Variants in NLRP3 observed in about 807,000 individuals in gnomAD.
NLRP3 encodes NLR family pyrin domain containing 3.
A neutral mutation model predicts 91.3 loss-of-function variants in NLRP3; 48 were observed. That is an observed-to-expected ratio of 0.53 (90% CI 0.42 to 0.67). NLRP3 has a LOEUF of 0.67. NLRP3 is among the 30% of genes least tolerant of loss of function. The probability of loss-of-function intolerance (pLI) is 0.00; values close to 1 mark genes in which losing one functional copy is unlikely to be tolerated. For synonymous variants in NLRP3, 561 were observed against 507.9 expected (o/e 1.10, Z -1.41); for missense variants, 982 against 1,276.9 (o/e 0.77, Z 3.52).
intron 7 of NLRP3, among the ~76,000 whole-genome samples, chr1:247,439,382 C>T (rs1170913502): frequency 6.6e-6 from 1 of 152,166 alleles, no homozygotes; most frequent in Non-Finnish European, 1.5e-5. Context: ...GGAATCTGTT[C>T]ATGCTTCTCT....
intron 7 of NLRP3, among the ~76,000 whole-genome samples, chr1:247,441,611 T>A (rs917077161): frequency 6.6e-6 from 1 of 152,190 alleles, no homozygotes; most frequent in Non-Finnish European, 1.5e-5. Flanking sequence ...ATACAGTACA[T>A]GGCAAGATAT....
At position 247,424,418 on chromosome 1, in the gene NLRP3, C is replaced by G. The variant is rs201255971; in HGVS notation, c.969C>G (p.Ala323=). Residue 323 remains alanine, a synonymous_variant, in exon 4 of 10, where the codon GCC becomes GCG. Coordinates refer to ENST00000336119, the MANE Select transcript of NLRP3 (RefSeq NM_001243133.2). This position sits in a 1 kb window ranked among gnomAD's most constrained non-coding sequence, Gnocchi z 8.1. The part of the protein sequence containing the change: ...IGPLCTDWQK[A]ERGDILLSSL... The stretch of plus-strand genomic sequence containing the variant: ...CGCTCTGCACTGACTGGCAGAAGGC[C>G]GAGCGGGGAGACATTCTCCTGAGCA... 2 of 1,613,992 alleles carry G rather than the reference C, an allele frequency of 1.2e-6. No individual in the cohort carries two copies. The highest frequency in any genetic ancestry group is 1.7e-6 in the Non-Finnish European group (2 of 1,180,038).
At chr1:247,416,362 G>A (rs1662074256) in intron 1 of NLRP3, among the ~76,000 whole-genome samples, 169 bp downstream of exon 1, 1 of 152,122 alleles carries the variant, frequency 6.6e-6, no homozygotes, top group Non-Finnish European at 1.5e-5. Flanking sequence ...TCATTATTTG[G>A]GCTCTACGTG....
In NLRP3 at chr1:247,423,468, G is replaced by A; in HGVS notation, c.397+119G>A. 3.3e-6 allele frequency: 4 copies of A among 1,203,610 alleles called. No homozygotes were observed. In the Admixed American group the frequency reaches 7.0e-5, roughly 21 times the overall value. The allele number at this position is 1,203,610 out of a possible 1,614,324, so 74.6% of individuals were successfully genotyped here. A position where few individuals can be genotyped will look rare whatever the true frequency, so the allele number is the denominator to read the frequency against. On this transcript the variant is annotated intron_variant, in intron 3 of 9. Coordinates refer to ENST00000336119, the MANE Select transcript of NLRP3 (RefSeq NM_001243133.2). Reference sequence around the variant, plus strand: ...AGGTTCCTGCTCTTTGGAATGCAAAGGCCTGTCTCAGGAAATCCATTGTCA... The same window carrying A: ...AGGTTCCTGCTCTTTGGAATGCAAAAGCCTGTCTCAGGAAATCCATTGTCA...
chr1:247,441,143 CTT>C lies in NLRP3; in HGVS notation c.2664-2827_2664-2826del, dbSNP rs1389759699. 2.4e-3 allele frequency among the ~76,000 whole-genome samples: 318 copies of C among 132,406 alleles called. 3 individuals are homozygous for C. The highest frequency in any genetic ancestry group is 4.9e-4 in the Non-Finnish European group (31 of 63,066). The allele number at this position is 132,406 out of a possible 152,430, so 86.9% of individuals were successfully genotyped here. ...TTTTTCTTTTTCTCTTTCTTTCTTT[CTT>C]TCTCTCTCTCTCTCTTTCTTTCTTT... On this transcript the variant is annotated intron_variant, in intron 7 of 9. Transcript: ENST00000336119.
chr1:247,434,919 C>T (rs1226272204), intron 6 of NLRP3, among the ~76,000 whole-genome samples: 1 of 152,156 alleles, frequency 6.6e-6, no homozygotes, highest in Admixed American at 6.5e-5. Flanking sequence ...CTACTGGAGC[C>T]AGCATTTCCA....
At chr1:247,438,379 T>TGG (rs1491157383) in intron 7 of NLRP3, among the ~76,000 whole-genome samples, 1 of 27,332 alleles carries the variant, frequency 3.7e-5, no homozygotes, top group African/African-American at 1.3e-4. Flanking sequence ...TTTAGTTGTG[T>TGG]TTTTTTTTTT....
chr1:247,416,641 G>T (rs992540022), intron 1 of NLRP3, among the ~76,000 whole-genome samples: 8 of 126,418 alleles, frequency 6.3e-5, no homozygotes, highest in African/African-American at 2.4e-4. Flanking sequence ...GGTATGCGGA[G>T]CTAATAGGGC....
intron 9 of NLRP3, 130 bp from the exon 10 acceptor site, chr1:247,448,275 T>G: frequency 2.0e-6 from 1 of 512,192 alleles, no homozygotes. Context: ...CCTCTTTTTT[T>G]TTTTTTTTTT....
chr1:247,444,245 G>C, intron 8 of NLRP3, 103 bp downstream of exon 8: 12 of 1,215,304 alleles, frequency 9.9e-6, no homozygotes, highest in Admixed American at 1.7e-5. Flanking sequence ...TTAGAAGTGA[G>C]GTGTCTTCTT....
intron 5 of NLRP3, 151 bp downstream of exon 5, chr1:247,429,906 C>A (rs1236211454): frequency 1.1e-5 from 11 of 986,072 alleles, no homozygotes; most frequent in Non-Finnish European, 1.7e-5. Context: ...CAGAGTTTTG[C>A]TCTTATTGCC....
chr1:247,421,948 A>G (rs1467695505), intron 2 of NLRP3, among the ~76,000 whole-genome samples: 1 of 152,164 alleles, frequency 6.6e-6, no homozygotes, highest in African/African-American at 2.4e-5. Context: ...GGAGTGAGCT[A>G]TGACCATGCC....
Position 247,438,697 on chromosome 1 carries a change from G to T in NLRP3, c.2663+2557G>T, listed in dbSNP as rs528342256. Among the ~76,000 whole-genome samples the T allele has an allele frequency of 1.7e-4, 26 of 152,094 alleles. No homozygotes were observed. The East Asian group carries it at 3.7e-3, about 22-fold the overall frequency. On this transcript the variant is annotated intron_variant, in intron 7 of 9. Coordinates refer to ENST00000336119, the MANE Select transcript of NLRP3 (RefSeq NM_001243133.2). ...CACACCCGCCTGGTTTACCTTTTTT[G>T]TTGTTGTTGTTACTAAATATTTCTA...
chr1:247,447,407 T>C (rs965414737), intron 9 of NLRP3, among the ~76,000 whole-genome samples: 3 of 152,208 alleles, frequency 2.0e-5, no homozygotes, highest in African/African-American at 7.2e-5. Flanking sequence ...CCCAAGGGCC[T>C]CACCTTTAAG....
In NLRP3 at chr1:247,425,039, G is replaced by T. The variant is rs1391865802; in HGVS notation, c.1590G>T (p.Met530Ile). 1 of 1,614,070 alleles carries T rather than the reference G, an allele frequency of 6.2e-7. No homozygotes were observed. The highest frequency in any genetic ancestry group is 1.3e-5 in the African/African-American group (1 of 74,924). The change falls in exon 4 of 10, where the codon ATG becomes ATT. Residue 530 changes from methionine (M) to isoleucine (I), a missense_variant. Physicochemically the swap from Met to Ile is conservative, Grantham distance 10. Coordinates refer to ENST00000336119, the MANE Select transcript of NLRP3 (RefSeq NM_001243133.2). This position sits in a 1 kb window ranked among gnomAD's most constrained non-coding sequence, Gnocchi z 4.1. ...HMTFQEFFAA[M>I]YYLLEEEKEG... ...CTTTCCAGGAGTTCTTTGCCGCCAT[G>T]TACTACCTGCTGGAAGAGGAAAAGG... is the stretch of plus-strand genomic sequence containing the variant.
At chr1:247,423,710 C>T in intron 3 of NLRP3, 137 bp from the exon 4 acceptor site, 1 of 819,798 alleles carries the variant, frequency 1.2e-6, no homozygotes, top group Non-Finnish European at 2.1e-6. Flanking sequence ...GGCACCTTTC[C>T]TACCCAGTGG....
rs139995782 is a variant in NLRP3 at position 247,448,444 on chromosome 1, G to T, written c.3045G>T (p.Ala1015=). ...EMYFNYETKS[A]LETLQEEKPE... ...ATTTCAATTATGAGACAAAAAGTGC[G>T]TTAGAAACACTTCAAGAAGAAAAGC... The change falls in exon 10 of 10, where the codon GCG becomes GCT. Residue 1015 remains alanine (A), a synonymous_variant. Coordinates refer to ENST00000336119, the MANE Select transcript of NLRP3 (RefSeq NM_001243133.2). The T allele has an allele frequency of 1.9e-6, 3 of 1,613,486 alleles. No individual in the cohort carries two copies. Among genetic ancestry groups the T allele is most frequent in the Non-Finnish European group, 2.5e-6 (3 of 1,179,566 alleles).
chr1:247,417,134 G>C (rs1340288793), intron 1 of NLRP3, among the ~76,000 whole-genome samples: 1 of 152,192 alleles, frequency 6.6e-6, no homozygotes, highest in Non-Finnish European at 1.5e-5. Context: ...ATAAATGCTG[G>C]GGAAGTGTGT....
In NLRP3 at chr1:247,419,024, C is replaced by A. The variant is rs200288250; in HGVS notation, c.224C>A (p.Ala75Glu). 3.7e-6 allele frequency: 6 copies of A among 1,612,958 alleles called. No homozygotes were observed. In the African/African-American group the frequency reaches 5.4e-5, roughly 14 times the overall value. The change falls in exon 2 of 10, where the codon GCG becomes GAG. Residue 75 changes from alanine (A) to glutamate (E), a missense_variant. Physicochemically the swap from Ala to Glu is moderately radical, Grantham distance 107. This residue lies in a region of NLRP3 where 548 missense variants were observed against 713.7 expected (regional missense o/e 0.77). Coordinates refer to ENST00000336119, the MANE Select transcript of NLRP3 (RefSeq NM_001243133.2). Reference sequence around the variant, plus strand: ...GCCATGGCCGTGTGGATCTTCGCTGCGATCAACAGGAGAGACCTTTATGAG... The same window carrying A: ...GCCATGGCCGTGTGGATCTTCGCTGAGATCAACAGGAGAGACCTTTATGAG... ...AWAMAVWIFA[A>E]INRRDLYEKA...
Sources: allele counts gnomAD v4.1 joint callset (sites outside exome capture counted in the v4.1 genomes callset), GRCh38; gene constraint gnomAD v4.1.1; regional missense constraint gnomAD v4.1.1; non-coding constraint Gnocchi (gnomAD v3.1); transcripts MANE v1.5; gene names NCBI Gene and HGNC (gene_info 2026-07-23, HGNC 2026-07-21).